The following PRKCA variants were observed in gnomAD, a reference collection of about 807,000 sequenced individuals.
PRKCA encodes the protein protein kinase C alpha type.
Under a neutral mutation model 87.0 loss-of-function variants are expected in PRKCA, and 27 were observed. The observed-to-expected ratio is 0.31, with a 90% CI of 0.23 to 0.43. The LOEUF (loss-of-function observed/expected upper bound fraction) is 0.43. Ranked by LOEUF, PRKCA falls within the 20% of genes least tolerant of loss-of-function variation. The probability of loss-of-function intolerance (pLI) is 1.00; values close to 1 mark genes in which losing one functional copy is unlikely to be tolerated. For missense variants in PRKCA, 518 were observed against 852.3 expected, an observed-to-expected ratio of 0.61 and a Z score of 4.88; for synonymous variants, 329 against 311.1, an observed-to-expected ratio of 1.06 and a Z score of -0.61.
rs201265280 is a variant in PRKCA at position 66,434,652 on chromosome 17, ACG to A, written c.206-61547_206-61546del. On this transcript the variant is annotated intron_variant, in intron 2 of 16. Coordinates refer to ENST00000413366, the MANE Select transcript of PRKCA (RefSeq NM_002737.3). ...TAGCTGCTTCTTTGTTCCTAGGCAC[ACG>A]CCTTTTTTCCCCGAATGTGGCCTTG... 2.7e-3 allele frequency among the ~76,000 whole-genome samples: 377 copies of A among 141,010 alleles called. 5 individuals are homozygous for A. Among genetic ancestry groups the A allele is most frequent in the South Asian group, 0.019 (79 of 4,256 alleles). 92.5% of individuals were successfully genotyped at this position (141,010 alleles called of 152,430 possible). A position where few individuals can be genotyped will look rare whatever the true frequency, so the allele number is the denominator to read the frequency against.
At chr17:66,612,883 G>A (rs1198125026) in intron 3 of PRKCA, among the ~76,000 whole-genome samples, 1 of 151,952 alleles carries the variant, frequency 6.6e-6, no homozygotes, top group Non-Finnish European at 1.5e-5. Flanking sequence ...TATCATAATT[G>A]GGTTTCTCCA....
intron 8 of PRKCA, among the ~76,000 whole-genome samples, chr17:66,690,736 G>A (rs1178971844): frequency 4.7e-5 from 7 of 149,198 alleles, no homozygotes; most frequent in Non-Finnish European, 8.9e-5. Flanking sequence ...GCTGAGACAC[G>A]AGAATCACTT....
chr17:66,336,938 G>A (rs930886978), intron 2 of PRKCA, among the ~76,000 whole-genome samples: 13 of 151,972 alleles, frequency 8.6e-5, no homozygotes, highest in Admixed American at 4.6e-4. Flanking sequence ...ACAGGCGCCC[G>A]CCACCACGTC....
intron 3 of PRKCA, among the ~76,000 whole-genome samples, chr17:66,562,396 G>A (rs1301621711): frequency 6.6e-6 from 1 of 151,640 alleles, no homozygotes; most frequent in East Asian, 1.9e-4. Context: ...TCCATTCTTG[G>A]TCAGACCTGT....
At chr17:66,541,623 G>T (rs567491903) in intron 3 of PRKCA, among the ~76,000 whole-genome samples, 17 of 152,228 alleles carry the variant, frequency 1.1e-4, no homozygotes. Flanking sequence ...CTGACGTCCA[G>T]TCCACGCCTC....
intron 2 of PRKCA, among the ~76,000 whole-genome samples, chr17:66,447,217 A>G (rs1914076832): frequency 6.6e-6 from 1 of 152,200 alleles, no homozygotes; most frequent in South Asian, 2.1e-4. Context: ...ATTAAGATGT[A>G]TACGGGATGG....
At chr17:66,560,241 T>TAA (rs11299095) in intron 3 of PRKCA, among the ~76,000 whole-genome samples, 18 of 148,792 alleles carry the variant, frequency 1.2e-4, no homozygotes, top group African/African-American at 4.2e-4. Context: ...AAATCAGGAA[T>TAA]AAAAAAAAAA....
At chr17:66,331,288 T>C (rs4790913) in intron 2 of PRKCA, among the ~76,000 whole-genome samples, 147,379 of 152,248 alleles carry the variant, frequency 0.97, 71,341 homozygotes, top group East Asian at 1. Context: ...CTCTTCTGTG[T>C]TTAAGTATAA....
At position 66,571,996 on chromosome 17, in the gene PRKCA, C is replaced by A. The variant is rs560850344; in HGVS notation, c.289-69359C>A. On this transcript the variant is annotated intron_variant, in intron 3 of 16. Coordinates refer to ENST00000413366, the MANE Select transcript of PRKCA (RefSeq NM_002737.3). The stretch of plus-strand genomic sequence containing the variant: ...GTATAATTCCGTCTGACGTGCCACT[C>A]CATATAATTGGGATGCTGTCTGTTC... Among the ~76,000 whole-genome samples, 14 of 152,284 alleles carry A rather than the reference C, an allele frequency of 9.2e-5. No individual in the cohort carries two copies. In the South Asian group the frequency reaches 2.3e-3, roughly 25 times the overall value.
chr17:66,744,165 C>T (rs997959904), intron 13 of PRKCA, among the ~76,000 whole-genome samples: 16 of 152,132 alleles, frequency 1.1e-4, no homozygotes, highest in East Asian at 3.9e-4. Context: ...AATTCTGAAT[C>T]GCATGGCCAG....
chr17:66,604,466 C>T (rs1970152509), intron 3 of PRKCA, among the ~76,000 whole-genome samples: 1 of 152,178 alleles, frequency 6.6e-6, no homozygotes, highest in Non-Finnish European at 1.5e-5. Context: ...CCAAGGTTTT[C>T]TCTAGTCCCT....
intron 2 of PRKCA, among the ~76,000 whole-genome samples, chr17:66,473,261 C>T (rs1915401356): frequency 6.6e-6 from 1 of 152,220 alleles, no homozygotes; most frequent in Non-Finnish European, 1.5e-5. Context: ...GATTCTCAGT[C>T]TCTGGGATTG....
chr17:66,781,735 T>C (rs1450500752), intron 14 of PRKCA, among the ~76,000 whole-genome samples: 1 of 151,616 alleles, frequency 6.6e-6, no homozygotes, highest in Non-Finnish European at 1.5e-5. Flanking sequence ...GGAGTTTCAG[T>C]TGGGAAGATG....
At chr17:66,668,931 G>A (rs933085365) in intron 5 of PRKCA, among the ~76,000 whole-genome samples, 1 of 151,842 alleles carries the variant, frequency 6.6e-6, no homozygotes, top group Non-Finnish European at 1.5e-5. Flanking sequence ...AGCAAGTTCT[G>A]CCTCTACAAA....
intron 3 of PRKCA, among the ~76,000 whole-genome samples, chr17:66,604,847 A>G (rs1435434855): frequency 6.6e-6 from 1 of 152,152 alleles, no homozygotes; most frequent in Non-Finnish European, 1.5e-5. Context: ...TAAACCTTTA[A>G]CCACCAAGAG....
chr17:66,748,831 G>A (rs1974361346), intron 13 of PRKCA, among the ~76,000 whole-genome samples: 1 of 152,094 alleles, frequency 6.6e-6, no homozygotes, highest in African/African-American at 2.4e-5. Flanking sequence ...GAGAGAGAGA[G>A]GGAGGGCGGG....
intron 3 of PRKCA, among the ~76,000 whole-genome samples, chr17:66,603,762 C>T (rs1209730283): frequency 1.3e-5 from 2 of 152,184 alleles, no homozygotes; most frequent in African/African-American, 2.4e-5. Flanking sequence ...ACACCAGCTC[C>T]TCATTTTCCC....
Position 66,465,820 on chromosome 17 carries a change from A to G in PRKCA, c.206-30381A>G, listed in dbSNP as rs140074910. Among the ~76,000 whole-genome samples, 543 of 152,318 alleles carry G rather than the reference A, an allele frequency of 3.6e-3. 3 individuals carry two copies. The highest frequency in any genetic ancestry group is 0.012 in the African/African-American group (509 of 41,570). On this transcript the variant is annotated intron_variant, in intron 2 of 16. Coordinates refer to ENST00000413366, the MANE Select transcript of PRKCA (RefSeq NM_002737.3). ...TCCACAACCTCTTTCCACCCAAGCA[A>G]GGAAATTTATTGAGGCCAGTAACAT...
chr17:66,621,508 A>G (rs1039624984), intron 3 of PRKCA, among the ~76,000 whole-genome samples: 1 of 152,218 alleles, frequency 6.6e-6, no homozygotes, highest in African/African-American at 2.4e-5. Context: ...CTTAGTGTTC[A>G]GAGGATTATT....
Sources: allele counts gnomAD v4.1 joint callset (sites outside exome capture counted in the v4.1 genomes callset), GRCh38; gene constraint gnomAD v4.1.1; transcripts MANE v1.5; gene names NCBI Gene and HGNC (gene_info 2026-07-23, HGNC 2026-07-21).